The following NRG3 variants were observed in gnomAD, a reference collection of about 807,000 sequenced individuals.
NRG3 encodes pro-neuregulin-3, membrane-bound isoform.
A neutral mutation model predicts 66.9 loss-of-function variants in NRG3; 31 were observed. The ratio of observed to expected loss-of-function variants is 0.46; its 90% confidence interval spans 0.35 to 0.63. The LOEUF (loss-of-function observed/expected upper bound fraction) is 0.63, where lower values mean the gene tolerates loss of function less well. Ranked by LOEUF, NRG3 falls within the 20% of genes least tolerant of loss-of-function variation. NRG3 has a pLI of 0.00. For synonymous variants in NRG3, 393 were observed against 359.4 expected (o/e 1.09, Z -1.06); for missense variants, 910 against 878.9 (o/e 1.04, Z -0.45).
intron 1 of NRG3, among the ~76,000 whole-genome samples, chr10:82,198,857 T>C (rs1299592865): frequency 5.3e-5 from 8 of 151,726 alleles, no homozygotes; most frequent in Non-Finnish European, 7.4e-5. Context: ...ATTAGCCAGG[T>C]GTGGTGGCAC....
chr10:82,311,547 G>GCAA (rs372587418), intron 1 of NRG3, among the ~76,000 whole-genome samples: 16 of 152,018 alleles, frequency 1.1e-4, no homozygotes, highest in Middle Eastern at 3.2e-3. Flanking sequence ...AAACCGAATA[G>GCAA]CAACAACAAC....
intron 1 of NRG3, among the ~76,000 whole-genome samples, chr10:82,320,685 G>A (rs1431623945): frequency 1.3e-5 from 2 of 152,136 alleles, no homozygotes; most frequent in Non-Finnish European, 2.9e-5. Flanking sequence ...TAGAGACAGA[G>A]GTCCAAGTTC....
At chr10:82,431,949 AT>A (rs1474858324) in intron 2 of NRG3, among the ~76,000 whole-genome samples, 1 of 152,140 alleles carries the variant, frequency 6.6e-6, no homozygotes, top group Non-Finnish European at 1.5e-5. Flanking sequence ...TTATTCTTTA[AT>A]CACTCTCATA....
chr10:82,032,433 A>G (rs972040091), intron 1 of NRG3, among the ~76,000 whole-genome samples: 52 of 151,904 alleles, frequency 3.4e-4, no homozygotes, highest in African/African-American at 1.2e-3. Flanking sequence ...TGCTTCAGTT[A>G]ACAATGCCTT....
intron 1 of NRG3, among the ~76,000 whole-genome samples, chr10:82,309,611 G>A (rs1024146597): frequency 2.0e-5 from 3 of 152,100 alleles, no homozygotes; most frequent in African/African-American, 7.2e-5. Context: ...GGGAAAAGAG[G>A]GTAGACAGTA....
chr10:82,591,256 A>G (rs1026223212), intron 2 of NRG3, among the ~76,000 whole-genome samples: 2 of 152,216 alleles, frequency 1.3e-5, no homozygotes, highest in Admixed American at 1.3e-4. Context: ...CCAAAAAATA[A>G]TATCCCTAAG....
chr10:82,058,226 A>C (rs988349715), intron 1 of NRG3, among the ~76,000 whole-genome samples: 1 of 151,912 alleles, frequency 6.6e-6, no homozygotes, highest in African/African-American at 2.4e-5. Flanking sequence ...TAGGCCATAC[A>C]TAGCAAGTTA....
At chr10:82,626,539 TA>T (rs1387598980) in intron 2 of NRG3, among the ~76,000 whole-genome samples, 2 of 152,174 alleles carry the variant, frequency 1.3e-5, no homozygotes, top group African/African-American at 4.8e-5. Context: ...GCACAGGTGT[TA>T]CCTAAAGGAT....
chr10:81,939,649 C>A (rs1343636732), intron 1 of NRG3, among the ~76,000 whole-genome samples: 1 of 147,906 alleles, frequency 6.8e-6, no homozygotes, highest in Non-Finnish European at 1.5e-5. Context: ...TTATTTGAGT[C>A]TTCTCTCTTT....
Position 82,812,524 on chromosome 10 carries a change from CATAATT to C in NRG3, c.1028-52883_1028-52878del, listed in dbSNP as rs373247322. 4.9e-3 allele frequency among the ~76,000 whole-genome samples: 740 copies of C among 152,168 alleles called. 8 individuals carry two copies. Among genetic ancestry groups the C allele is most frequent in the African/African-American group, 0.017 (695 of 41,496 alleles). ...AATAATACTGCTTCTATTAAACTGA[CATAATT>C]ATAGTAAAATGTGGGTGAAATAAAA... On this transcript the variant is annotated intron_variant, in intron 3 of 8. Coordinates refer to ENST00000372141, the MANE Select transcript of NRG3 (RefSeq NM_001010848.4).
intron 2 of NRG3, among the ~76,000 whole-genome samples, chr10:82,507,592 C>T (rs751168374): frequency 6.6e-6 from 1 of 152,110 alleles, no homozygotes; most frequent in African/African-American, 2.4e-5. Flanking sequence ...ACACAGCAGA[C>T]CCAAGGGTGG....
At chr10:82,044,537 C>T (rs1271185018) in intron 1 of NRG3, among the ~76,000 whole-genome samples, 1 of 151,898 alleles carries the variant, frequency 6.6e-6, no homozygotes, top group African/African-American at 2.4e-5. Flanking sequence ...CAGTGTTTTT[C>T]CCCCATTAAC....
chr10:82,641,585 A>G lies in NRG3; in HGVS notation c.954-96992A>G, dbSNP rs184308854. ...ATAGTAAGAAAAGTAGGGCCCATCA[A>G]GAGTACTCATGATCCAACCTGGAGC... On this transcript the variant is annotated intron_variant, in intron 2 of 8. Coordinates refer to ENST00000372141, the MANE Select transcript of NRG3 (RefSeq NM_001010848.4). Among the ~76,000 whole-genome samples, 10 of 152,282 alleles carry G rather than the reference A, an allele frequency of 6.6e-5. No individual in the cohort carries two copies. In the East Asian group the frequency reaches 7.7e-4, roughly 12 times the overall value.
chr10:82,256,906 T>C (rs940741308), intron 1 of NRG3, among the ~76,000 whole-genome samples: 14 of 152,178 alleles, frequency 9.2e-5, no homozygotes, highest in South Asian at 4.1e-4. Flanking sequence ...TTCTACTCTC[T>C]AGGAAATGAC....
At chr10:82,330,298 G>T (rs1355101884) in intron 1 of NRG3, among the ~76,000 whole-genome samples, 1 of 151,998 alleles carries the variant, frequency 6.6e-6, no homozygotes, top group African/African-American at 2.4e-5. Flanking sequence ...CACTATTATT[G>T]CTCTTTTGCT....
At chr10:82,778,042 G>A (rs1035106727) in intron 3 of NRG3, among the ~76,000 whole-genome samples, 16 of 152,090 alleles carry the variant, frequency 1.1e-4, no homozygotes, top group African/African-American at 3.9e-4. Context: ...TCCCTGGGGG[G>A]AAGGGTGCCT....
At chr10:82,813,803 G>A (rs891892660) in intron 3 of NRG3, among the ~76,000 whole-genome samples, 1 of 152,202 alleles carries the variant, frequency 6.6e-6, no homozygotes, top group African/African-American at 2.4e-5. Flanking sequence ...TTTAGAGATT[G>A]TATATTGAAG....
At chr10:81,880,233 G>T (rs1416547820) in intron 1 of NRG3, among the ~76,000 whole-genome samples, 2 of 152,008 alleles carry the variant, frequency 1.3e-5, no homozygotes, top group African/African-American at 4.8e-5. Flanking sequence ...TTTTAGTTTG[G>T]ACTCGTTGGT....
intron 2 of NRG3, among the ~76,000 whole-genome samples, chr10:82,458,422 T>A (rs1198290334): frequency 6.6e-6 from 1 of 152,292 alleles, no homozygotes; most frequent in Admixed American, 6.5e-5. Flanking sequence ...AACTCCATCC[T>A]GAGGAACTGG....
Sources: gnomAD v4.1 joint callset for allele counts (sites outside exome capture counted in the v4.1 genomes callset) on GRCh38, gnomAD v4.1.1 for gene constraint, MANE v1.5 for transcripts, NCBI Gene and HGNC (gene_info 2026-07-23, HGNC 2026-07-21) for gene names.